The following ANTXR2 variants were observed in gnomAD, a reference collection of about 807,000 sequenced individuals.
ANTXR2 encodes the protein anthrax toxin receptor 2.
ANTXR2 carries 44 observed loss-of-function variants against 73.7 expected under a neutral mutation model. That is an observed-to-expected ratio of 0.60 (90% CI 0.47 to 0.77). ANTXR2 has a LOEUF of 0.77. Among genes scored for constraint, ANTXR2 ranks in the 30% least tolerant of loss-of-function variants. ANTXR2 has a pLI of 0.00. For missense variants in ANTXR2, 604 were observed against 592.5 expected (o/e 1.02, Z -0.20); for synonymous variants, 217 against 205.9 (o/e 1.05, Z -0.46).
rs553493743 is a variant in ANTXR2 at position 79,980,069 on chromosome 4, A to T, written c.1180-1895T>A. Among the ~76,000 whole-genome samples the T allele has an allele frequency of 1.6e-3, 245 of 152,280 alleles. 1 individual carries two copies. The Middle Eastern group carries it at 0.027, about 17-fold the overall frequency. Reference sequence around the variant, plus strand: ...ACTGGCACTATTCTCAGATTAAAAAAATATATATATGAAGCTAGTTAAACT... The same window carrying T: ...ACTGGCACTATTCTCAGATTAAAAATATATATATATGAAGCTAGTTAAACT... On this transcript the variant is annotated intron_variant, in intron 14 of 16. Coordinates refer to ENST00000403729, the MANE Select transcript of ANTXR2 (RefSeq NM_058172.6).
At chr4:80,066,730 C>T (rs1036866359) in intron 3 of ANTXR2, among the ~76,000 whole-genome samples, 14 of 140,372 alleles carry the variant, frequency 1.0e-4, no homozygotes, top group Non-Finnish European at 1.7e-4. Flanking sequence ...GTAGGTATTA[C>T]TATCATCATC....
intron 16 of ANTXR2, among the ~76,000 whole-genome samples, 157 bp from the exon 17 acceptor site, chr4:79,907,624 A>C (rs1212196164): frequency 6.6e-6 from 1 of 152,168 alleles, no homozygotes; most frequent in African/African-American, 2.4e-5. Context: ...CTTGGGTTAA[A>C]GCATGATGGT....
chr4:80,036,011 C>T lies in ANTXR2; in HGVS notation c.658G>A (p.Glu220Lys), dbSNP rs137852904. The T allele has an allele frequency of 1.3e-6, 2 of 1,525,300 alleles. No homozygotes were observed. The highest frequency in any genetic ancestry group is 2.5e-5 in the East Asian group (1 of 40,350). The allele number at this position is 1,525,300 out of a possible 1,614,324, so 94.5% of individuals were successfully genotyped here. A position where few individuals can be genotyped will look rare whatever the true frequency, so the allele number is the denominator to read the frequency against. Residue 220 changes from glutamate to lysine, a missense_variant, in exon 8 of 17, where the codon GAA becomes AAA. By Grantham distance (56) the Glu-to-Lys change is moderately conservative. Transcript: ENST00000403729. ...CTTGAGGGCTGCAATTCTAGGATTT[C>T]AGTACATGACTGAGCTAGTATCTAA... ...INSILAQSCTEILELQPSSVC... is the reference protein window; with the variant it reads ...INSILAQSCTKILELQPSSVC...
intron 16 of ANTXR2, among the ~76,000 whole-genome samples, chr4:79,915,278 A>T (rs1445049278): frequency 6.6e-6 from 1 of 152,140 alleles, no homozygotes; most frequent in Non-Finnish European, 1.5e-5. Context: ...CCCCAACTCC[A>T]CTGCAATATT....
chr4:79,907,226 C>G lies in ANTXR2; in HGVS notation c.*203G>C. On this transcript the variant is annotated 3_prime_UTR_variant, in exon 17 of 17. Coordinates refer to ENST00000403729, the MANE Select transcript of ANTXR2 (RefSeq NM_058172.6). ...CATGAGTTACCACTGAGTTTCATCA[C>G]CTCCCATGTAGATGGCAGAACAAGT... The G allele has an allele frequency of 1.6e-6, 1 of 612,252 alleles. No individual in the cohort carries two copies. The highest frequency in any genetic ancestry group is 2.9e-6 in the Non-Finnish European group (1 of 350,172). The allele number at this position is 612,252 out of a possible 1,614,324, so 37.9% of individuals were successfully genotyped here.
intron 11 of ANTXR2, among the ~76,000 whole-genome samples, chr4:80,015,923 A>AAGGAAAGGAAAGG (rs1731836013): frequency 5.4e-5 from 2 of 37,008 alleles, no homozygotes; most frequent in African/African-American, 9.7e-5. Context: ...AAGGAAAGGA[A>AAGGAAAGGAAAGG]AAAGGAAAGG....
At position 79,977,615 on chromosome 4, in the gene ANTXR2, A is replaced by G; in HGVS notation, c.1428+6T>C. 6.4e-7 allele frequency: 1 copy of G among 1,569,420 alleles called. No individual in the cohort carries two copies. Among genetic ancestry groups the G allele is most frequent in the Non-Finnish European group, 8.6e-7 (1 of 1,156,114 alleles). On this transcript the variant is annotated splice_donor_region_variant and intron_variant, in intron 16 of 16. Transcript: ENST00000403729. ...GCTCTTTCTCAATACATTCCCATATACAAACCTCATCTCCTTCCTGAGGTC... is the reference window on the plus strand; with the variant it reads ...GCTCTTTCTCAATACATTCCCATATGCAAACCTCATCTCCTTCCTGAGGTC...
At position 80,056,070 on chromosome 4, in the gene ANTXR2, C is replaced by A. The variant is rs1733982583; in HGVS notation, c.297-57G>T. On this transcript the variant is annotated intron_variant, in intron 3 of 16. Coordinates refer to ENST00000403729, the MANE Select transcript of ANTXR2 (RefSeq NM_058172.6). Reference sequence around the variant, plus strand: ...AGCAAAGAGCAAAGGTAACAATAAACACTTCTTAAAAAACATGGCAGTATT... The same window carrying A: ...AGCAAAGAGCAAAGGTAACAATAAAAACTTCTTAAAAAACATGGCAGTATT... 7.3e-6 allele frequency: 9 copies of A among 1,229,908 alleles called. No homozygotes were observed. The South Asian group carries it at 1.1e-4, about 15-fold the overall frequency. 76.2% of individuals were successfully genotyped at this position (1,229,908 alleles called of 1,614,324 possible).
intron 2 of ANTXR2, 37 bp downstream of exon 2, chr4:80,071,546 T>C: frequency 6.5e-7 from 1 of 1,541,558 alleles, no homozygotes; most frequent in African/African-American, 1.4e-5. Context: ...TTTGCTCTAC[T>C]TCTCCACTGC....
intron 10 of ANTXR2, among the ~76,000 whole-genome samples, chr4:80,025,321 T>A (rs4389526): frequency 0.6 from 90,600 of 152,048 alleles, 28,626 homozygotes; most frequent in East Asian, 0.93. Flanking sequence ...CCATATGTCA[T>A]AGCTATTCTG....
chr4:80,021,116 C>A (rs1387904531), intron 10 of ANTXR2, among the ~76,000 whole-genome samples: 1 of 147,904 alleles, frequency 6.8e-6, no homozygotes, highest in Non-Finnish European at 1.5e-5. Context: ...ACCACTGCAC[C>A]CCCAGCCTGG....
rs142489716 is a variant in ANTXR2, at chr4:79,998,369, T to C, written c.1041+10152A>G. On this transcript the variant is annotated intron_variant, in intron 12 of 16. Transcript: ENST00000403729. ...AAGGACACTAAAGCAAGTGAACATT[T>C]GTCATTTTCAGCATATTCAGGTATT... 1.8e-3 allele frequency among the ~76,000 whole-genome samples: 277 copies of C among 152,122 alleles called. 1 individual carries two copies. Among genetic ancestry groups the C allele is most frequent in the African/African-American group, 6.5e-3 (268 of 41,528 alleles).
chr4:80,010,674 T>C (rs761291718), intron 11 of ANTXR2, among the ~76,000 whole-genome samples: 19 of 152,030 alleles, frequency 1.2e-4, no homozygotes, highest in Non-Finnish European at 2.6e-4. Flanking sequence ...AATCAGAAAA[T>C]TGCACTGACA....
At chr4:80,004,953 A>C (rs1182043141) in intron 12 of ANTXR2, among the ~76,000 whole-genome samples, 2 of 152,132 alleles carry the variant, frequency 1.3e-5, no homozygotes, top group East Asian at 1.9e-4. Flanking sequence ...AGAAAAAAAA[A>C]ACCTGAGAAT....
chr4:80,033,614 A>G, intron 8 of ANTXR2, 44 bp from the exon 9 acceptor site: 2 of 1,392,696 alleles, frequency 1.4e-6, no homozygotes, highest in African/African-American at 1.5e-5. Flanking sequence ...CTGCTTTACC[A>G]AAAAAATAAA....
In ANTXR2 at chr4:79,978,169, A is replaced by G. The variant is rs764084973; in HGVS notation, c.1185T>C (p.Arg395=). ...CCTCAGTAGATCCTTTATCACCCCA[A>G]CGAACCTGTAAAACAAAGGGAGAGT... The part of the protein sequence containing the change: ...GVGGIKRMEV[R]WGDKGSTEEG... Residue 395 remains arginine (R), a synonymous_variant, in exon 15 of 17, where the codon CGT becomes CGC. Coordinates refer to ENST00000403729, the MANE Select transcript of ANTXR2 (RefSeq NM_058172.6). The G allele has an allele frequency of 5.6e-6, 9 of 1,613,592 alleles. No homozygotes were observed. Among genetic ancestry groups the G allele is most frequent in the South Asian group, 5.5e-5 (5 of 91,052 alleles).
Position 80,003,256 on chromosome 4 carries a change from T to C in ANTXR2, c.1041+5265A>G, listed in dbSNP as rs577737402. ...ATAAAAAATGATGAGTTCATGTCCT[T>C]TGTAGGGACATGGATGAAATTGGAA... On this transcript the variant is annotated intron_variant, in intron 12 of 16. Coordinates refer to ENST00000403729, the MANE Select transcript of ANTXR2 (RefSeq NM_058172.6). Among the ~76,000 whole-genome samples the C allele has an allele frequency of 3.6e-3, 551 of 151,868 alleles. 12 individuals are homozygous for C. The highest frequency in any genetic ancestry group is 0.034 in the Admixed American group (514 of 15,234).
At chr4:80,059,915 A>C (rs62300369) in intron 3 of ANTXR2, among the ~76,000 whole-genome samples, 19,801 of 152,180 alleles carry the variant, frequency 0.13, 2,719 homozygotes, top group East Asian at 0.71. Context: ...GTCATAAAAC[A>C]GTCTGCAGGG....
chr4:79,980,924 A>C (rs1729859873), intron 14 of ANTXR2, among the ~76,000 whole-genome samples: 1 of 44,324 alleles, frequency 2.3e-5, no homozygotes, highest in Non-Finnish European at 8.8e-5. Flanking sequence ...AGGGCTTTAA[A>C]AAAAAAAAAA....
Sources: gnomAD v4.1 joint callset for allele counts (sites outside exome capture counted in the v4.1 genomes callset) on GRCh38, gnomAD v4.1.1 for gene constraint, MANE v1.5 for transcripts, NCBI Gene and HGNC (gene_info 2026-07-23, HGNC 2026-07-21) for gene names.